Variants in ZNF248 observed in about 807,000 individuals in gnomAD.
ZNF248 encodes KRAB protein domain.
In ZNF248, 20 loss-of-function variants were observed where a neutral mutation model predicts 44.3. The observed-to-expected ratio is 0.45, with a 90% CI of 0.32 to 0.66. ZNF248 has a LOEUF of 0.66. Among genes scored for constraint, ZNF248 ranks in the 30% least tolerant of loss-of-function variants. The pLI is 0.04. For synonymous variants in ZNF248, 224 were observed against 229.0 expected, an observed-to-expected ratio of 0.98 and a Z score of 0.20; for missense variants, 654 against 677.0, an observed-to-expected ratio of 0.97 and a Z score of 0.38.
intron 3 of ZNF248, among the ~76,000 whole-genome samples, chr10:37,841,691 A>G (rs1207601676): frequency 6.6e-6 from 1 of 152,256 alleles, no homozygotes; most frequent in Non-Finnish European, 1.5e-5. Flanking sequence ...TACAGTGGAG[A>G]AACATGACCA....
At chr10:37,779,097 T>C (rs1023044871) in intron 6 of ZNF248, among the ~76,000 whole-genome samples, 8 of 152,092 alleles carry the variant, frequency 5.3e-5, no homozygotes, top group African/African-American at 1.7e-4. Flanking sequence ...AAGGAGGAAC[T>C]GGTACCATTC....
At chr10:37,770,687 A>T in the ZNF248 span, among the ~76,000 whole-genome samples, 14 of 152,352 alleles carry the variant, frequency 9.2e-5, no homozygotes, top group Non-Finnish European at 1.6e-4. Context: ...AAACCTAGGC[A>T]ATACCATTCA....
chr10:37,765,494 A>T, the ZNF248 span, among the ~76,000 whole-genome samples: 1 of 152,210 alleles, frequency 6.6e-6, no homozygotes, highest in Admixed American at 6.5e-5. Flanking sequence ...TTCAGTTATG[A>T]CAATTCAGTT....
intron 6 of ZNF248, among the ~76,000 whole-genome samples, chr10:37,817,645 CT>C (rs2133545324): frequency 6.6e-6 from 1 of 152,204 alleles, no homozygotes; most frequent in African/African-American, 2.4e-5. Context: ...ATGGGTTTCA[CT>C]TTACAACCAA....
intron 6 of ZNF248, among the ~76,000 whole-genome samples, chr10:37,800,807 G>A (rs1251476246): frequency 6.6e-6 from 1 of 151,062 alleles, no homozygotes; most frequent in Admixed American, 6.6e-5. Context: ...TGTCACCCAA[G>A]GTGGAGTGCA....
downstream of ZNF248, chr10:37,828,744 G>T (rs879858428): frequency 3.0e-4 from 296 of 985,214 alleles, no homozygotes; most frequent in Non-Finnish European, 3.5e-4. Context: ...ACACAAGAAA[G>T]GGTGAATTAA....
At chr10:37,825,901 A>G (rs572893174), downstream of ZNF248, among the ~76,000 whole-genome samples, 2 of 151,848 alleles carry the variant, frequency 1.3e-5, no homozygotes, top group South Asian at 4.2e-4. Flanking sequence ...GCAGGTGAAA[A>G]AAAAAAAAGG....
At chr10:37,784,173 T>C (rs1349686436) in intron 6 of ZNF248, 1 of 152,290 alleles carries the variant, frequency 6.6e-6, no homozygotes, top group Non-Finnish European at 1.5e-5. Context: ...AAAGGAATAT[T>C]AGAACTTTGG....
At chr10:37,850,717 A>C (rs558362342) in intron 3 of ZNF248, among the ~76,000 whole-genome samples, 2 of 152,290 alleles carry the variant, frequency 1.3e-5, no homozygotes, top group South Asian at 4.1e-4. Flanking sequence ...TTGAAAAAAA[A>C]TTTTTAACAA....
chr10:37,798,841 T>A (rs1190254617), intron 6 of ZNF248, among the ~76,000 whole-genome samples: 1 of 152,224 alleles, frequency 6.6e-6, no homozygotes, highest in Non-Finnish European at 1.5e-5. Flanking sequence ...TCACATTGTG[T>A]ATGATTTATA....
At chr10:37,772,004 T>C (rs1340507406), downstream of ZNF248, among the ~76,000 whole-genome samples, 2 of 152,160 alleles carry the variant, frequency 1.3e-5, no homozygotes, top group East Asian at 1.9e-4. Flanking sequence ...CAGTGGCTCA[T>C]ACCTGTAATC....
intron 5 of ZNF248, among the ~76,000 whole-genome samples, chr10:37,834,429 T>C (rs2056657967): frequency 6.6e-6 from 1 of 152,112 alleles, no homozygotes; most frequent in South Asian, 2.1e-4. Context: ...AGACAAAATA[T>C]GGGAATATGT....
the ZNF248 span, among the ~76,000 whole-genome samples, chr10:37,769,218 T>C: frequency 3.9e-5 from 6 of 152,126 alleles, no homozygotes; most frequent in African/African-American, 1.4e-4. Context: ...TACCATTCCT[T>C]CTGAAACTAT....
chr10:37,763,365 C>T, the ZNF248 span, among the ~76,000 whole-genome samples: 7 of 152,220 alleles, frequency 4.6e-5, no homozygotes, highest in East Asian at 1.9e-4. Flanking sequence ...AGGAGCCTGG[C>T]TCCAGCGAGT....
intron 6 of ZNF248, among the ~76,000 whole-genome samples, chr10:37,792,584 A>G (rs907234040): frequency 5.3e-5 from 8 of 152,190 alleles, no homozygotes; most frequent in Non-Finnish European, 8.8e-5. Context: ...ACACCACCTT[A>G]ATCAAGTGAT....
rs938265570 is a variant in ZNF248, at chr10:37,789,610, C to A, written c.331-13035G>T. Among the ~76,000 whole-genome samples the A allele has an allele frequency of 2.0e-5, 3 of 152,194 alleles. No individual in the cohort carries two copies. In the East Asian group the frequency reaches 5.8e-4, roughly 29 times the overall value. On this transcript the variant is annotated intron_variant, in intron 6 of 6. Transcript: ENST00000615949. The stretch of plus-strand genomic sequence containing the variant: ...ACAACAGATAATTTATTAGCTTACT[C>A]ATCCAAAAATGTACCCAAGTACACA...
At chr10:37,813,010 TG>T (rs1420072122) in intron 6 of ZNF248, among the ~76,000 whole-genome samples, 1 of 136,660 alleles carries the variant, frequency 7.3e-6, no homozygotes, top group Non-Finnish European at 1.6e-5. Context: ...AAAGAGATCG[TG>T]GATATGGCAA....
intron 3 of ZNF248, among the ~76,000 whole-genome samples, chr10:37,846,621 AGG>A (rs2059361506): frequency 1.3e-5 from 2 of 152,192 alleles, no homozygotes; most frequent in Admixed American, 1.3e-4. Flanking sequence ...ACTCCAGCCT[AGG>A]GCACACAGCA....
intron 6 of ZNF248, among the ~76,000 whole-genome samples, chr10:37,789,547 A>G (rs1320061855): frequency 3.3e-5 from 5 of 152,202 alleles, no homozygotes; most frequent in African/African-American, 1.2e-4. Context: ...GGCAATGAAG[A>G]TCTTTTTCTC....
Sources: gnomAD v4.1 joint callset for allele counts (sites outside exome capture counted in the v4.1 genomes callset) on GRCh38, gnomAD v4.1.1 for gene constraint, MANE v1.5 for transcripts, NCBI Gene and HGNC (gene_info 2026-07-23, HGNC 2026-07-21) for gene names.